Variants in C9 observed in about 807,000 individuals in gnomAD.
C9 encodes the protein complement component C9.
In C9, 63 loss-of-function variants were observed where a neutral mutation model predicts 65.4. That is an observed-to-expected ratio of 0.96 (90% CI 0.79 to 1.19). The LOEUF is 1.19. C9 is among the 50% of genes most tolerant of loss of function. C9 has a pLI of 0.00. For synonymous variants in C9, 229 were observed against 227.9 expected (o/e 1.00, Z -0.04); for missense variants, 744 against 670.1 (o/e 1.11, Z -1.22).
intron 4 of C9, among the ~76,000 whole-genome samples, chr5:39,334,433 A>G (rs1417308780): frequency 5.3e-5 from 8 of 149,856 alleles, no homozygotes; most frequent in African/African-American, 2.0e-4. Flanking sequence ...CCCGTCTGAG[A>G]AGTGAGGAGC....
chr5:39,297,983 C>A (rs1214001302), intron 9 of C9, among the ~76,000 whole-genome samples: 1 of 151,446 alleles, frequency 6.6e-6, no homozygotes, highest in African/African-American at 2.4e-5. Context: ...GTCCTCAGAC[C>A]AAACAAAATG....
intron 9 of C9, among the ~76,000 whole-genome samples, chr5:39,300,026 AG>A (rs1753254050): frequency 6.6e-6 from 1 of 152,254 alleles, no homozygotes; most frequent in East Asian, 1.9e-4. Flanking sequence ...AAGGTTTGTT[AG>A]GTTAGAGATT....
chr5:39,352,255 G>A (rs1754336518), intron 1 of C9, among the ~76,000 whole-genome samples: 1 of 152,144 alleles, frequency 6.6e-6, no homozygotes, highest in Non-Finnish European at 1.5e-5. Flanking sequence ...TTCAACACAT[G>A]GGAATTACAA....
At chr5:39,294,763 C>CA (rs925912411) in intron 9 of C9, among the ~76,000 whole-genome samples, 60 of 151,494 alleles carry the variant, frequency 4.0e-4, no homozygotes, top group Non-Finnish European at 4.3e-4. Flanking sequence ...ACACAACACA[C>CA]AAAAAAACCC....
At chr5:39,358,924 A>G (rs986315302) in intron 1 of C9, among the ~76,000 whole-genome samples, 7 of 151,198 alleles carry the variant, frequency 4.6e-5, no homozygotes, top group Admixed American at 4.6e-4. Flanking sequence ...GGCGGAGCTT[A>G]CAGGGAGCCG....
At chr5:39,346,064 A>G (rs1452580059) in intron 1 of C9, among the ~76,000 whole-genome samples, 2 of 152,264 alleles carry the variant, frequency 1.3e-5, no homozygotes. Context: ...CACAAGAGAA[A>G]GCAGGAAAGA....
chr5:39,340,740 G>A (rs181428014), intron 4 of C9, among the ~76,000 whole-genome samples: 1 of 152,238 alleles, frequency 6.6e-6, no homozygotes, highest in Admixed American at 6.5e-5. Flanking sequence ...AAGTTCCAAT[G>A]GAAGACAGCC....
intron 9 of C9, among the ~76,000 whole-genome samples, chr5:39,305,819 T>C (rs1753363560): frequency 6.6e-6 from 1 of 152,128 alleles, no homozygotes; most frequent in Non-Finnish European, 1.5e-5. Context: ...ATAAGAATTG[T>C]TCACCGTTAG....
intron 1 of C9, among the ~76,000 whole-genome samples, chr5:39,355,179 A>T (rs1473243337): frequency 2.0e-5 from 3 of 152,220 alleles, no homozygotes; most frequent in African/African-American, 7.2e-5. Flanking sequence ...GCCTCAGTGA[A>T]TGCTGGTTCA....
intron 5 of C9, among the ~76,000 whole-genome samples, chr5:39,322,322 T>C (rs979079690): frequency 6.6e-6 from 1 of 151,992 alleles, no homozygotes; most frequent in Admixed American, 6.6e-5. Context: ...CCAGAACTTA[T>C]GGAATGCAGC....
chr5:39,343,565 G>T (rs10035891), intron 1 of C9, among the ~76,000 whole-genome samples: 75,335 of 152,062 alleles, frequency 0.5, 19,995 homozygotes, highest in Admixed American at 0.59. Context: ...GCTCAAGGAG[G>T]CCTGCCTGCC....
intron 1 of C9, among the ~76,000 whole-genome samples, chr5:39,351,728 G>A (rs1327064789): frequency 1.3e-5 from 2 of 152,042 alleles, no homozygotes; most frequent in Non-Finnish European, 2.9e-5. Context: ...TCTCAGCCTG[G>A]ATTTCATTGT....
intron 1 of C9, among the ~76,000 whole-genome samples, chr5:39,343,628 A>T (rs1267574076): frequency 1.3e-5 from 2 of 152,204 alleles, no homozygotes; most frequent in Non-Finnish European, 2.9e-5. Flanking sequence ...AGGCAGCAGA[A>T]ACCTCTGCAG....
chr5:39,318,218 G>A (rs1367633504), intron 5 of C9, among the ~76,000 whole-genome samples: 1 of 152,132 alleles, frequency 6.6e-6, no homozygotes, highest in Non-Finnish European at 1.5e-5. Flanking sequence ...AGACTTTGCT[G>A]AAGTAGCTTA....
intron 4 of C9, among the ~76,000 whole-genome samples, chr5:39,339,772 G>A (rs1028005972): frequency 8.4e-5 from 12 of 143,694 alleles, no homozygotes; most frequent in Non-Finnish European, 6.0e-5. Flanking sequence ...CCATTCTCCT[G>A]CCTCAGCCTC....
intron 9 of C9, among the ~76,000 whole-genome samples, chr5:39,306,407 T>C (rs1317495491): frequency 3.3e-5 from 5 of 152,078 alleles, no homozygotes; most frequent in African/African-American, 1.2e-4. Context: ...ATCCCACACA[T>C]AGTGAGAGAC....
At chr5:39,363,635 A>G (rs2111998133) in intron 1 of C9, among the ~76,000 whole-genome samples, 1 of 152,160 alleles carries the variant, frequency 6.6e-6, no homozygotes, top group East Asian at 1.9e-4. Flanking sequence ...GTCGATGTCT[A>G]CTCTGATGAC....
chr5:39,306,641 A>G lies in C9; in HGVS notation c.1392T>C (p.Asp464=). ...DFVNWASSIN[D]APVLISQKLS... The stretch of plus-strand genomic sequence containing the variant: ...CTTTTTGACTAATGAGAACAGGAGC[A>G]TCATTTATGGAAGAGGCCCAGTTGA... The change falls in exon 9 of 11, where the codon GAT becomes GAC. Residue 464 remains aspartate, a synonymous_variant. Transcript: ENST00000263408. 3 of 1,613,572 alleles carry G rather than the reference A, an allele frequency of 1.9e-6. No individual in the cohort carries two copies. The highest frequency in any genetic ancestry group is 2.5e-6 in the Non-Finnish European group (3 of 1,179,518).
At position 39,308,318 on chromosome 5, in the gene C9, A is replaced by G; in HGVS notation, c.1152T>C (p.His384=). ...LKDIKRCLGY[H]LDVSLAFSEI... ...CAGAGAAAGCCAGAGATACATCCAG[A>G]TGATACCCAAGGCATCTCTTTATGT... is the stretch of plus-strand genomic sequence containing the variant. The change falls in exon 8 of 11, where the codon CAT becomes CAC. Residue 384 remains histidine (H), a synonymous_variant. Coordinates refer to ENST00000263408, the MANE Select transcript of C9 (RefSeq NM_001737.5). 3 of 1,604,292 alleles carry G rather than the reference A, an allele frequency of 1.9e-6. No individual in the cohort carries two copies.
Sources: gnomAD v4.1 joint callset for allele counts (sites outside exome capture counted in the v4.1 genomes callset) on GRCh38, gnomAD v4.1.1 for gene constraint, MANE v1.5 for transcripts, NCBI Gene and HGNC (gene_info 2026-07-23, HGNC 2026-07-21) for gene names.